Variants in CEBPD observed in about 807,000 individuals in gnomAD.
CEBPD encodes CCAAT enhancer binding protein delta, also known as CCAAT/enhancer-binding protein delta.
For missense variants in CEBPD, 410 were observed against 409.4 expected, an observed-to-expected ratio of 1.00 and a Z score of -0.01; for synonymous variants, 227 against 194.8, an observed-to-expected ratio of 1.17 and a Z score of -1.38.
At position 47,738,053 on chromosome 8, in the gene CEBPD, G is replaced by A. The variant is rs1202019771; in HGVS notation, c.68C>T (p.Pro23Leu). ...RGAPWPAEPA[P>L]FYEPGRAGKP... Reference sequence around the variant, plus strand: ...GCCCGCCCGGCCCGGTTCGTAGAAGGGCGCAGGCTCCGCAGGCCAGGGCGC... The same window carrying A: ...GCCCGCCCGGCCCGGTTCGTAGAAGAGCGCAGGCTCCGCAGGCCAGGGCGC... Residue 23 changes from proline to leucine, a missense_variant, in exon 1 of 1, where the codon CCC becomes CTC. Physicochemically the swap from Pro to Leu is moderately conservative, Grantham distance 98 (BLOSUM62 -3). Transcript: ENST00000408965. The surrounding 1 kb of genome is among the most constrained non-coding windows in gnomAD (Gnocchi z 4.1). 4.8e-6 allele frequency: 6 copies of A among 1,258,584 alleles called. No individual in the cohort carries two copies. The highest frequency in any genetic ancestry group is 5.0e-6 in the Non-Finnish European group (5 of 1,002,906). The allele number at this position is 1,258,584 out of a possible 1,614,324, so 78.0% of individuals were successfully genotyped here. A position where few individuals can be genotyped will look rare whatever the true frequency, so the allele number is the denominator to read the frequency against.
In CEBPD at chr8:47,737,938, G is replaced by C. The variant is rs201314130; in HGVS notation, c.183C>G (p.Phe61Leu). ...AMYDDESAID[F>L]SAYIDSMAAV... Reference sequence around the variant, plus strand: ...CGGCCATGGAGTCGATGTAGGCGCTGAAGTCGATGGCGCTCTCGTCGTCGT... The same window carrying C: ...CGGCCATGGAGTCGATGTAGGCGCTCAAGTCGATGGCGCTCTCGTCGTCGT... The change falls in exon 1 of 1, where the codon TTC becomes TTG. Residue 61 changes from phenylalanine (F) to leucine (L), a missense_variant. Physicochemically the swap from Phe to Leu is conservative, Grantham distance 22. Transcript: ENST00000408965. 1 of 1,505,194 alleles carries C rather than the reference G, an allele frequency of 6.6e-7. No homozygotes were observed. Among genetic ancestry groups the C allele is most frequent in the Non-Finnish European group, 8.9e-7 (1 of 1,122,156 alleles). The allele number at this position is 1,505,194 out of a possible 1,614,324, so 93.2% of individuals were successfully genotyped here.
chr8:47,738,142 G>A lies in CEBPD; in HGVS notation c.-22C>T, dbSNP rs2086289102. The A allele has an allele frequency of 1.7e-6, 2 of 1,165,492 alleles. No homozygotes were observed. The highest frequency in any genetic ancestry group is 2.1e-6 in the Non-Finnish European group (2 of 945,564). The allele number at this position is 1,165,492 out of a possible 1,614,324, so 72.2% of individuals were successfully genotyped here. A position where few individuals can be genotyped will look rare whatever the true frequency, so the allele number is the denominator to read the frequency against. On this transcript the variant is annotated 5_prime_UTR_variant, in exon 1 of 1. Transcript: ENST00000408965. This position sits in a 1 kb window ranked among gnomAD's most constrained non-coding sequence, Gnocchi z 4.1. Reference sequence around the variant, plus strand: ...TCATGGCGGCGTCGGGCCGGGCTCTGCGTCCAAGCGAGGCTGTCACCTCGC... The same window carrying A: ...TCATGGCGGCGTCGGGCCGGGCTCTACGTCCAAGCGAGGCTGTCACCTCGC...
Position 47,737,147 on chromosome 8 carries a change from AGTG to A in CEBPD, c.*161_*163del. 7.5e-6 allele frequency: 4 copies of A among 534,734 alleles called. No individual in the cohort carries two copies. Among genetic ancestry groups the A allele is most frequent in the South Asian group, 5.6e-5 (2 of 35,848 alleles). 33.1% of individuals were successfully genotyped at this position (534,734 alleles called of 1,614,324 possible). On this transcript the variant is annotated 3_prime_UTR_variant, in exon 1 of 1. Coordinates refer to ENST00000408965, the MANE Select transcript of CEBPD (RefSeq NM_005195.4). ...ACACGTTTAGCTTCTCTCGCAGTTT[AGTG>A]GTGGTAAGTCCAGGCTGTAGCTTCT...
chr8:47,738,130 G>C lies in CEBPD; in HGVS notation c.-10C>G. 8.5e-7 allele frequency: 1 copy of C among 1,171,246 alleles called. No homozygotes were observed. 72.6% of individuals were successfully genotyped at this position (1,171,246 alleles called of 1,614,324 possible). A position where few individuals can be genotyped will look rare whatever the true frequency, so the allele number is the denominator to read the frequency against. ...AGAGCGCGGCGCTCATGGCGGCGTC[G>C]GGCCGGGCTCTGCGTCCAAGCGAGG... On this transcript the variant is annotated 5_prime_UTR_variant, in exon 1 of 1. Transcript: ENST00000408965. This position sits in a 1 kb window ranked among gnomAD's most constrained non-coding sequence, Gnocchi z 4.1.
In CEBPD at chr8:47,737,823, G is replaced by A. The variant is rs2086282098; in HGVS notation, c.298C>T (p.Leu100Phe). 15 of 1,414,580 alleles carry A rather than the reference G, an allele frequency of 1.1e-5. No individual in the cohort carries two copies. The highest frequency in any genetic ancestry group is 1.4e-5 in the Non-Finnish European group (15 of 1,084,058). The allele number at this position is 1,414,580 out of a possible 1,614,324, so 87.6% of individuals were successfully genotyped here. Residue 100 changes from leucine (L) to phenylalanine (F), a missense_variant, in exon 1 of 1, where the codon CTT becomes TTT. By Grantham distance (22) the Leu-to-Phe change is conservative. Transcript: ENST00000408965. Reference sequence around the variant, plus strand: ...GGGCGCGCGGGGCCGCCGGGAAGAAGCTCCAGGGGCCCCGCGCCGCCCGCC... The same window carrying A: ...GGGCGCGCGGGGCCGCCGGGAAGAAACTCCAGGGGCCCCGCGCCGCCCGCC... ...HKAGGAGPLE[L>F]LPGGPARPLG... is the part of the protein sequence containing the mutation.
chr8:47,737,713 G>A lies in CEBPD; in HGVS notation c.408C>T (p.Pro136=). 5.0e-6 allele frequency: 6 copies of A among 1,212,028 alleles called. No individual in the cohort carries two copies. The South Asian group carries it at 1.2e-4, about 25-fold the overall frequency. 75.1% of individuals were successfully genotyped at this position (1,212,028 alleles called of 1,614,324 possible). A position where few individuals can be genotyped will look rare whatever the true frequency, so the allele number is the denominator to read the frequency against. Residue 136 remains proline, a synonymous_variant, in exon 1 of 1, where the codon CCC becomes CCT. Transcript: ENST00000408965. ...TCTGTGCGCACGCGGCCACCTGCGC[G>A]GGCAACAGCGAGCCGGGCGCGTCGC... ...GDGDAPGSLL[P]AQVAACAQTV... is the part of the protein sequence containing the mutation.
Position 47,737,385 on chromosome 8 carries a change from C to T in CEBPD, c.736G>A (p.Gly246Ser), listed in dbSNP as rs1235117737. 2.6e-5 allele frequency: 42 copies of T among 1,600,742 alleles called. No individual in the cohort carries two copies. The highest frequency in any genetic ancestry group is 3.5e-5 in the Non-Finnish European group (41 of 1,175,762). Residue 246 changes from glycine (G) to serine (S), a missense_variant, in exon 1 of 1, where the codon GGC (glycine) becomes AGC (serine). By Grantham distance (56) the Gly-to-Ser change is moderately conservative. Coordinates refer to ENST00000408965, the MANE Select transcript of CEBPD (RefSeq NM_005195.4). ...AGCTGCTTGAAGAACTGCCGGAGGC[C>T]GGCCAGGTCCCGCGTGAGCTGCTCC... ...RVEQLTRDLA[G>S]LRQFFKQLPS...
Position 47,737,719 on chromosome 8 carries a change from C to G in CEBPD, c.402G>C (p.Leu134=). 8.2e-7 allele frequency: 1 copy of G among 1,212,586 alleles called. No homozygotes were observed. The highest frequency in any genetic ancestry group is 4.0e-5 in the South Asian group (1 of 24,772). The allele number at this position is 1,212,586 out of a possible 1,614,324, so 75.1% of individuals were successfully genotyped here. ...CGCACGCGGCCACCTGCGCGGGCAACAGCGAGCCGGGCGCGTCGCCGTCGC... is the reference window on the plus strand; with the variant it reads ...CGCACGCGGCCACCTGCGCGGGCAAGAGCGAGCCGGGCGCGTCGCCGTCGC... ...DWGDGDAPGS[L]LPAQVAACAQ... is the part of the protein sequence containing the mutation. The change falls in exon 1 of 1, where the codon CTG becomes CTC. Residue 134 remains leucine, a synonymous_variant. Transcript: ENST00000408965.
At position 47,737,309 on chromosome 8, in the gene CEBPD, C is replaced by T; in HGVS notation, c.*2G>A. 6.3e-7 allele frequency: 1 copy of T among 1,587,662 alleles called. No individual in the cohort carries two copies. Among genetic ancestry groups the T allele is most frequent in the Non-Finnish European group, 8.6e-7 (1 of 1,168,958 alleles). The stretch of plus-strand genomic sequence containing the variant: ...CTGAGTCTCTCCCGCCCCGGCCGCG[C>T]GTTACCGGCAGTCTGCTGTCCCGGC... On this transcript the variant is annotated 3_prime_UTR_variant, in exon 1 of 1. Coordinates refer to ENST00000408965, the MANE Select transcript of CEBPD (RefSeq NM_005195.4).
chr8:47,737,892 A>G lies in CEBPD; in HGVS notation c.229T>C (p.Cys77Arg). 1 of 1,514,042 alleles carries G rather than the reference A, an allele frequency of 6.6e-7. No homozygotes were observed. Among genetic ancestry groups the G allele is most frequent in the Non-Finnish European group, 8.9e-7 (1 of 1,127,140 alleles). 93.8% of individuals were successfully genotyped at this position (1,514,042 alleles called of 1,614,324 possible). Residue 77 changes from cysteine to arginine, a missense_variant, in exon 1 of 1, where the codon TGC becomes CGC. Physicochemically the swap from Cys to Arg is radical, Grantham distance 180. Coordinates refer to ENST00000408965, the MANE Select transcript of CEBPD (RefSeq NM_005195.4). ...SMAAVPTLELCHDELFADLFN... is the reference protein window; with the variant it reads ...SMAAVPTLELRHDELFADLFN... ...AGGTCGGCGAAGAGCTCGTCGTGGC[A>G]CAGCTCCAGGGTGGGCACGGCGGCC...
chr8:47,737,621 C>A lies in CEBPD; in HGVS notation c.500G>T (p.Ser167Ile), dbSNP rs1017310803. ...GCCGGGCGCGGGGGTCTGCCTGGGG[C>A]TGCTGCGCGGCGGCTCCGGCGACGT... ...PPTSPEPPRSSPRQTPAPGPA... is the reference protein window; with the variant it reads ...PPTSPEPPRSIPRQTPAPGPA... Residue 167 changes from serine to isoleucine, a missense_variant, in exon 1 of 1, where the codon AGC becomes ATC. Physicochemically the swap from Ser to Ile is moderately radical, Grantham distance 142. Coordinates refer to ENST00000408965, the MANE Select transcript of CEBPD (RefSeq NM_005195.4). The A allele has an allele frequency of 1.9e-5, 25 of 1,305,088 alleles. No individual in the cohort carries two copies. The highest frequency in any genetic ancestry group is 1.3e-4 in the South Asian group (5 of 38,976). 80.8% of individuals were successfully genotyped at this position (1,305,088 alleles called of 1,614,324 possible).
chr8:47,737,883 C>G lies in CEBPD; in HGVS notation c.238G>C (p.Glu80Gln). ...AVPTLELCHD[E>Q]LFADLFNSNH... Reference sequence around the variant, plus strand: ...CTGTTGAAGAGGTCGGCGAAGAGCTCGTCGTGGCACAGCTCCAGGGTGGGC... The same window carrying G: ...CTGTTGAAGAGGTCGGCGAAGAGCTGGTCGTGGCACAGCTCCAGGGTGGGC... Residue 80 changes from glutamate (E) to glutamine (Q), a missense_variant, in exon 1 of 1, where the codon GAG becomes CAG. Transcript: ENST00000408965. The G allele has an allele frequency of 6.6e-7, 1 of 1,513,768 alleles. No homozygotes were observed. Among genetic ancestry groups the G allele is most frequent in the Non-Finnish European group, 8.9e-7 (1 of 1,127,108 alleles). 93.8% of individuals were successfully genotyped at this position (1,513,768 alleles called of 1,614,324 possible).
In CEBPD at chr8:47,737,531, C is replaced by A; in HGVS notation, c.590G>T (p.Arg197Leu). ...PDRGSPEYRQ[R>L]RERNNIAVRK... is the part of the protein sequence containing the mutation. ...CACGGCGATGTTGTTGCGCTCGCGC[C>A]GCTGCCGGTACTCGGGGCTGCCGCG... is the stretch of plus-strand genomic sequence containing the variant. Residue 197 changes from arginine (R) to leucine (L), a missense_variant, in exon 1 of 1, where the codon CGG becomes CTG. Physicochemically the swap from Arg to Leu is moderately radical, Grantham distance 102. Coordinates refer to ENST00000408965, the MANE Select transcript of CEBPD (RefSeq NM_005195.4). 1.2e-6 allele frequency: 2 copies of A among 1,602,610 alleles called. No individual in the cohort carries two copies. The highest frequency in any genetic ancestry group is 2.3e-5 in the East Asian group (1 of 44,054).
At position 47,737,156 on chromosome 8, in the gene CEBPD, A is replaced by C; in HGVS notation, c.*155T>G. On this transcript the variant is annotated 3_prime_UTR_variant, in exon 1 of 1. Transcript: ENST00000408965. ...GCTTCTCTCGCAGTTTAGTGGTGGT[A>C]AGTCCAGGCTGTAGCTTCTTTGCGC... 1 of 561,304 alleles carries C rather than the reference A, an allele frequency of 1.8e-6. No individual in the cohort carries two copies. Among genetic ancestry groups the C allele is most frequent in the African/African-American group, 2.0e-5 (1 of 50,198 alleles). The allele number at this position is 561,304 out of a possible 1,614,324, so 34.8% of individuals were successfully genotyped here.
At position 47,738,020 on chromosome 8, in the gene CEBPD, C is replaced by A; in HGVS notation, c.101G>T (p.Gly34Val). 7.6e-7 allele frequency: 1 copy of A among 1,313,660 alleles called. No individual in the cohort carries two copies. Among genetic ancestry groups the A allele is most frequent in the Non-Finnish European group, 9.7e-7 (1 of 1,029,174 alleles). 81.4% of individuals were successfully genotyped at this position (1,313,660 alleles called of 1,614,324 possible). A position where few individuals can be genotyped will look rare whatever the true frequency, so the allele number is the denominator to read the frequency against. The change falls in exon 1 of 1, where the codon GGC becomes GTC. Residue 34 changes from glycine to valine, a missense_variant. Coordinates refer to ENST00000408965, the MANE Select transcript of CEBPD (RefSeq NM_005195.4). The surrounding 1 kb of genome is among the most constrained non-coding windows in gnomAD (Gnocchi z 4.1). The stretch of plus-strand genomic sequence containing the variant: ...TAGGGCCCCTGGCTCGGCCCCGCGG[C>A]CCGGCTTGCCCGCCCGGCCCGGTTC... ...FYEPGRAGKPGRGAEPGALGE... is the reference protein window; with the variant it reads ...FYEPGRAGKPVRGAEPGALGE...
Position 47,737,902 on chromosome 8 carries a change from G to T in CEBPD, c.219C>A (p.Thr73=). The change falls in exon 1 of 1, where the codon ACC becomes ACA. Residue 73 remains threonine, a synonymous_variant. Transcript: ENST00000408965. ...AYIDSMAAVP[T]LELCHDELFA... The stretch of plus-strand genomic sequence containing the variant: ...AGAGCTCGTCGTGGCACAGCTCCAG[G>T]GTGGGCACGGCGGCCATGGAGTCGA... 1 of 1,511,270 alleles carries T rather than the reference G, an allele frequency of 6.6e-7. No individual in the cohort carries two copies. The allele number at this position is 1,511,270 out of a possible 1,614,324, so 93.6% of individuals were successfully genotyped here. A position where few individuals can be genotyped will look rare whatever the true frequency, so the allele number is the denominator to read the frequency against.
At position 47,737,632 on chromosome 8, in the gene CEBPD, C is replaced by T. The variant is rs2086276779; in HGVS notation, c.489G>A (p.Pro163=). ...GQPTPPTSPE[P]PRSSPRQTPA... ...GGGTCTGCCTGGGGCTGCTGCGCGG[C>T]GGCTCCGGCGACGTGGGCGGGGTGG... Residue 163 remains proline, a synonymous_variant, in exon 1 of 1, where the codon CCG becomes CCA. Coordinates refer to ENST00000408965, the MANE Select transcript of CEBPD (RefSeq NM_005195.4). 1.2e-5 allele frequency: 15 copies of T among 1,284,978 alleles called. No individual in the cohort carries two copies. The highest frequency in any genetic ancestry group is 1.6e-5 in the African/African-American group (1 of 64,316). The allele number at this position is 1,284,978 out of a possible 1,614,324, so 79.6% of individuals were successfully genotyped here. A position where few individuals can be genotyped will look rare whatever the true frequency, so the allele number is the denominator to read the frequency against.
chr8:47,738,141 T>G lies in CEBPD; in HGVS notation c.-21A>C, dbSNP rs2086289044. ...CTCATGGCGGCGTCGGGCCGGGCTCTGCGTCCAAGCGAGGCTGTCACCTCG... is the reference window on the plus strand; with the variant it reads ...CTCATGGCGGCGTCGGGCCGGGCTCGGCGTCCAAGCGAGGCTGTCACCTCG... On this transcript the variant is annotated 5_prime_UTR_variant, in exon 1 of 1. Transcript: ENST00000408965. This position sits in a 1 kb window ranked among gnomAD's most constrained non-coding sequence, Gnocchi z 4.1. 5 of 1,165,402 alleles carry G rather than the reference T, an allele frequency of 4.3e-6. No individual in the cohort carries two copies. The highest frequency in any genetic ancestry group is 5.3e-6 in the Non-Finnish European group (5 of 945,788). The allele number at this position is 1,165,402 out of a possible 1,614,324, so 72.2% of individuals were successfully genotyped here.
Position 47,737,044 on chromosome 8 carries a change from C to A in CEBPD, c.*267G>T. ...AAAAGTCTGGTTTTTTTTCTTTTTA[C>A]AAATGTACCTTAGCTGCATCAACAG... On this transcript the variant is annotated 3_prime_UTR_variant, in exon 1 of 1. Coordinates refer to ENST00000408965, the MANE Select transcript of CEBPD (RefSeq NM_005195.4). 2.5e-6 allele frequency: 1 copy of A among 400,232 alleles called. No homozygotes were observed. Among genetic ancestry groups the A allele is most frequent in the Non-Finnish European group, 4.4e-6 (1 of 226,654 alleles). 24.8% of individuals were successfully genotyped at this position (400,232 alleles called of 1,614,324 possible). A position where few individuals can be genotyped will look rare whatever the true frequency, so the allele number is the denominator to read the frequency against.
Sources: gnomAD v4.1 joint callset for allele counts on GRCh38, gnomAD v4.1.1 for gene constraint, Gnocchi (gnomAD v3.1) non-coding constraint, MANE v1.5 for transcripts, NCBI Gene and HGNC (gene_info 2026-07-23, HGNC 2026-07-21) for gene names.